Variants in SLC35H1 observed in about 807,000 individuals in gnomAD.
SLC35H1 encodes the protein ovarian cancer-overexpressed gene 1 protein.
At chr20:46,352,513 GGGATGATGGGGATCCTAGCA>G in the SLC35H1 span, 3 of 346,926 alleles carry the variant, frequency 8.6e-6, no homozygotes, top group East Asian at 5.6e-5. Flanking sequence ...GGACCCTAGC[GGGATGATGGGGATCCTAGCA>G]GGATGATGGG....
At chr20:46,358,975 T>A in the SLC35H1 span, 41 of 584,142 alleles carry the variant, frequency 7.0e-5, no homozygotes, top group Non-Finnish European at 1.2e-4. Context: ...AAACACAAAC[T>A]GATCATGTCA....
At chr20:46,353,777 T>C in the SLC35H1 span, among the ~76,000 whole-genome samples, 3 of 151,596 alleles carry the variant, frequency 2.0e-5, no homozygotes, top group Admixed American at 2.0e-4. Flanking sequence ...TGGGGCATGG[T>C]GTAAACACAC....
the SLC35H1 span, chr20:46,346,537 T>C: frequency 1.4e-4 from 21 of 152,082 alleles, 1 homozygote; most frequent in Admixed American, 1.4e-3. Flanking sequence ...TCCCAGCACT[T>C]TGGGAGGTCA....
the SLC35H1 span, among the ~76,000 whole-genome samples, chr20:46,361,744 A>G: frequency 6.6e-6 from 1 of 152,180 alleles, no homozygotes; most frequent in Non-Finnish European, 1.5e-5. Flanking sequence ...TGAGGATCAA[A>G]CCTGCTCCCT....
At chr20:46,352,771 A>AGATCCTAGTGGGATGATGGG in the SLC35H1 span, 2 of 151,206 alleles carry the variant, frequency 1.3e-5, no homozygotes, top group African/African-American at 5.0e-5. Flanking sequence ...GGGATGATGG[A>AGATCCTAGTGGGATGATGGG]GATCCTAGTG....
the SLC35H1 span, among the ~76,000 whole-genome samples, chr20:46,360,805 TC>T: frequency 6.6e-6 from 1 of 152,218 alleles, no homozygotes; most frequent in Non-Finnish European, 1.5e-5. Flanking sequence ...CCGCCTTGCC[TC>T]CCAAAGTGCT....
the SLC35H1 span, among the ~76,000 whole-genome samples, chr20:46,351,895 G>T: frequency 6.6e-6 from 1 of 152,208 alleles, no homozygotes; most frequent in East Asian, 1.9e-4. Flanking sequence ...GGAGGGGCCA[G>T]CACAGCACTC....
the SLC35H1 span, among the ~76,000 whole-genome samples, chr20:46,356,115 C>T: frequency 3.3e-5 from 5 of 152,294 alleles, 1 homozygote; most frequent in Admixed American, 2.0e-4. Context: ...ACCTAACCCT[C>T]GGCAGAGCCC....
At chr20:46,358,353 C>T in the SLC35H1 span, 21 of 1,597,982 alleles carry the variant, frequency 1.3e-5, no homozygotes, top group Non-Finnish European at 1.8e-5. Context: ...CCACCTTCAT[C>T]CCAGCACCCC....
the SLC35H1 span, among the ~76,000 whole-genome samples, chr20:46,363,800 C>T: frequency 6.6e-6 from 1 of 152,264 alleles, no homozygotes; most frequent in African/African-American, 2.4e-5. Context: ...CCCAGCTCCT[C>T]AGCCTGGTCC....
At chr20:46,357,626 T>A in the SLC35H1 span, 4 of 1,612,940 alleles carry the variant, frequency 2.5e-6, no homozygotes, top group Admixed American at 3.3e-5. Flanking sequence ...CACCTACCTG[T>A]GGGAGCCACT....
chr20:46,363,527 CT>C, the SLC35H1 span, among the ~76,000 whole-genome samples: 1 of 152,244 alleles, frequency 6.6e-6, no homozygotes, highest in Non-Finnish European at 1.5e-5. Flanking sequence ...AACCAAAAAT[CT>C]ATGATGAAGT....
the SLC35H1 span, among the ~76,000 whole-genome samples, chr20:46,363,720 C>T: frequency 6.6e-6 from 1 of 152,194 alleles, no homozygotes; most frequent in African/African-American, 2.4e-5. Flanking sequence ...CCTCTTTCGC[C>T]CCTAAGGCCT....
chr20:46,354,028 A>AT, the SLC35H1 span, among the ~76,000 whole-genome samples: 6 of 152,082 alleles, frequency 3.9e-5, no homozygotes, highest in Non-Finnish European at 5.9e-5. Context: ...AGGAAGGATA[A>AT]ACAGAAAGGG....
chr20:46,358,364 G>C, the SLC35H1 span: 1 of 1,606,732 alleles, frequency 6.2e-7, no homozygotes, highest in Non-Finnish European at 8.5e-7. Flanking sequence ...CCAGCACCCC[G>C]CCCCAGCAAG....
the SLC35H1 span, chr20:46,350,894 G>C: frequency 6.2e-7 from 1 of 1,613,750 alleles, no homozygotes; most frequent in Admixed American, 1.7e-5. Context: ...AGACTTCCTG[G>C]GGGCAGAGAA....
At chr20:46,362,908 A>G in the SLC35H1 span, among the ~76,000 whole-genome samples, 672 of 152,338 alleles carry the variant, frequency 4.4e-3, 2 homozygotes, top group Non-Finnish European at 7.5e-3. Flanking sequence ...CTGGGAATAC[A>G]GGCATGTGCC....
the SLC35H1 span, chr20:46,357,567 C>T: frequency 6.3e-7 from 1 of 1,582,524 alleles, no homozygotes; most frequent in Non-Finnish European, 8.6e-7. Flanking sequence ...TTGTTCTCAT[C>T]CTATGGTTCC....
the SLC35H1 span, chr20:46,350,313 T>G: frequency 4.7e-6 from 7 of 1,488,996 alleles, no homozygotes; most frequent in Non-Finnish European, 5.4e-6. Flanking sequence ...GCTACCATGA[T>G]GAGCCCTGGC....
Sources: allele counts gnomAD v4.1 joint callset (sites outside exome capture counted in the v4.1 genomes callset), GRCh38; gene constraint gnomAD v4.1.1; transcripts MANE v1.5; gene names NCBI Gene and HGNC (gene_info 2026-07-23, HGNC 2026-07-21).